Variants in SHANK2 observed in about 807,000 individuals in gnomAD.
SHANK2 encodes the protein SH3 and multiple ankyrin repeat domains protein 2.
A neutral mutation model predicts 133.7 loss-of-function variants in SHANK2; 43 were observed. The ratio of observed to expected loss-of-function variants is 0.32; its 90% CI spans 0.25 to 0.41. The LOEUF (loss-of-function observed/expected upper bound fraction) is 0.41, where lower values mean the gene tolerates loss of function less well. Ranked by LOEUF, SHANK2 falls within the 10% of genes least tolerant of loss-of-function variation. The pLI is 1.00. For missense variants in SHANK2, 1,994 were observed against 2,235.8 expected, an observed-to-expected ratio of 0.89 and a Z score of 2.18; for synonymous variants, 1,017 against 952.8, an observed-to-expected ratio of 1.07 and a Z score of -1.24.
In SHANK2 at chr11:70,509,449, G is replaced by A. The variant is rs566579953; in HGVS notation, c.2062-6518C>T. Among the ~76,000 whole-genome samples, 62 of 152,354 alleles carry A rather than the reference G, an allele frequency of 4.1e-4. No homozygotes were observed. The East Asian group carries it at 4.6e-3, about 11-fold the overall frequency. On this transcript the variant is annotated intron_variant, in intron 17 of 25. Transcript: ENST00000601538. ...AGTCCCATTTATCCCATTGAGGGGG[G>A]GCTCCCAGCATGGAGCTCTGCACTC...
intron 17 of SHANK2, chr11:70,603,485 A>G (rs1268816723): frequency 1.3e-5 from 2 of 152,248 alleles, no homozygotes; most frequent in Non-Finnish European, 2.9e-5. Flanking sequence ...CAGCTGCAGT[A>G]AACCCAGAGT....
At chr11:70,694,410 C>T (rs1945350694) in intron 15 of SHANK2, among the ~76,000 whole-genome samples, 1 of 152,204 alleles carries the variant, frequency 6.6e-6, no homozygotes, top group South Asian at 2.1e-4. Flanking sequence ...GGGGAGAAAC[C>T]TCCTGACTGA....
chr11:70,614,946 G>GGGCT, intron 17 of SHANK2, among the ~76,000 whole-genome samples: 1 of 152,364 alleles, frequency 6.6e-6, no homozygotes, highest in African/African-American at 2.4e-5. Flanking sequence ...CCTGGCTGGG[G>GGGCT]GGCTGTGGTC....
rs375011142 is a variant in SHANK2 at position 70,700,976 on chromosome 11, C to A, written c.1778-2213G>T. On this transcript the variant is annotated intron_variant, in intron 14 of 25. Transcript: ENST00000601538. ...CAATGCCAATGAAGGGCCACAGGGA[C>A]TGGCTGTTAATTGCTATTATTACTT... is the stretch of plus-strand genomic sequence containing the variant. 7.9e-5 allele frequency among the ~76,000 whole-genome samples: 12 copies of A among 152,358 alleles called. No individual in the cohort carries two copies. The South Asian group carries it at 2.5e-3, about 32-fold the overall frequency.
chr11:71,078,780 C>A (rs1951253722), intron 8 of SHANK2, among the ~76,000 whole-genome samples: 1 of 152,360 alleles, frequency 6.6e-6, no homozygotes, highest in Admixed American at 6.5e-5. Context: ...TCCTGCAGAA[C>A]CTGCCCCATA....
intron 17 of SHANK2, among the ~76,000 whole-genome samples, chr11:70,649,311 G>T (rs2061311467): frequency 6.6e-6 from 1 of 152,272 alleles, no homozygotes; most frequent in East Asian, 1.9e-4. Flanking sequence ...CTGGGGAGAG[G>T]GAAGTAGAGA....
chr11:71,223,699 T>C (rs1320298750), intron 2 of SHANK2, among the ~76,000 whole-genome samples: 3 of 152,176 alleles, frequency 2.0e-5, no homozygotes, highest in African/African-American at 4.8e-5. Context: ...TATTAAGATC[T>C]CATGGTGCAC....
chr11:70,684,092 A>G (rs1041126319), intron 15 of SHANK2, among the ~76,000 whole-genome samples: 4 of 152,114 alleles, frequency 2.6e-5, no homozygotes, highest in Non-Finnish European at 5.9e-5. Context: ...CCCTGGATGC[A>G]TAGTTTTGAA....
At chr11:70,538,051 G>A (rs565472714) in intron 17 of SHANK2, among the ~76,000 whole-genome samples, 2 of 152,328 alleles carry the variant, frequency 1.3e-5, no homozygotes, top group East Asian at 3.9e-4. Context: ...TTGAACACTC[G>A]TGACCATCCT....
chr11:71,100,750 C>T (rs1037723432), intron 6 of SHANK2, among the ~76,000 whole-genome samples: 4 of 151,974 alleles, frequency 2.6e-5, no homozygotes, highest in African/African-American at 9.7e-5. Context: ...GCCTGTAGTC[C>T]CAGCTACTCA....
intron 3 of SHANK2, among the ~76,000 whole-genome samples, chr11:71,119,451 G>A (rs782270086): frequency 2.0e-5 from 3 of 152,026 alleles, no homozygotes; most frequent in Admixed American, 6.6e-5. Context: ...ATGGTGGTGC[G>A]TGTCTGTAAT....
intron 8 of SHANK2, among the ~76,000 whole-genome samples, chr11:71,085,626 T>TATTAAATATATATTATATATTA (rs1590894162): frequency 4.4e-5 from 3 of 68,076 alleles, no homozygotes; most frequent in African/African-American, 1.2e-4. Flanking sequence ...ATATTATATA[T>TATTAAATATATATTATATATTA]TATAATATAT....
At chr11:71,130,978 A>T (rs1952291784) in intron 3 of SHANK2, among the ~76,000 whole-genome samples, 1 of 152,274 alleles carries the variant, frequency 6.6e-6, no homozygotes. Flanking sequence ...TTTCCTCTGC[A>T]GCTACGGTTT....
At chr11:70,952,759 C>G (rs1555086945) in intron 10 of SHANK2, 3 of 429,460 alleles carry the variant, frequency 7.0e-6, no homozygotes, top group South Asian at 1.7e-5. Context: ...TCCGGGGGGG[C>G]CTGAGCAGCA....
At chr11:70,892,510 G>A (rs77932343) in intron 11 of SHANK2, among the ~76,000 whole-genome samples, 9,339 of 152,264 alleles carry the variant, frequency 0.061, 405 homozygotes, top group Non-Finnish European at 0.091. Flanking sequence ...TTGTATGGTG[G>A]AAGGTTTTTC....
chr11:70,644,159 TA>T (rs1326411742), intron 17 of SHANK2, among the ~76,000 whole-genome samples: 1 of 152,194 alleles, frequency 6.6e-6, no homozygotes, highest in East Asian at 1.9e-4. Context: ...ATTCCAAATT[TA>T]AAAAAATGTA....
chr11:71,147,686 C>G (rs1952684132), intron 2 of SHANK2, among the ~76,000 whole-genome samples: 1 of 152,182 alleles, frequency 6.6e-6, no homozygotes, highest in Non-Finnish European at 1.5e-5. Flanking sequence ...ATGCAGAGGG[C>G]CACTGGGGCT....
At chr11:70,588,211 A>G (rs2060278608) in intron 17 of SHANK2, among the ~76,000 whole-genome samples, 2 of 152,196 alleles carry the variant, frequency 1.3e-5, no homozygotes, top group South Asian at 4.1e-4. Context: ...CTTATTTCAC[A>G]TGCCAAGGGA....
intron 14 of SHANK2, among the ~76,000 whole-genome samples, chr11:70,757,639 G>A (rs1412424041): frequency 6.6e-6 from 1 of 152,238 alleles, no homozygotes; most frequent in African/African-American, 2.4e-5. Flanking sequence ...AGTGGGTGGG[G>A]AATGTGCTGT....
Sources: gnomAD v4.1 joint callset for allele counts (sites outside exome capture counted in the v4.1 genomes callset) on GRCh38, gnomAD v4.1.1 for gene constraint, MANE v1.5 for transcripts, NCBI Gene and HGNC (gene_info 2026-07-23, HGNC 2026-07-21) for gene names.